PNPLA8: variants seen among roughly 807,000 people sequenced by gnomAD.
The protein encoded by PNPLA8 is calcium-independent phospholipase A2-gamma.
In PNPLA8, 39 loss-of-function variants were observed where a neutral mutation model predicts 76.9. The ratio of observed to expected loss-of-function variants is 0.51; its 90% CI spans 0.39 to 0.66. The LOEUF (loss-of-function observed/expected upper bound fraction) is 0.66, where lower values mean the gene tolerates loss of function less well. Ranked by LOEUF, PNPLA8 falls within the 30% of genes least tolerant of loss-of-function variation. The pLI is 0.00. For missense variants in PNPLA8, 887 were observed against 918.0 expected, an observed-to-expected ratio of 0.97 and a Z score of 0.44; for synonymous variants, 301 against 307.9, an observed-to-expected ratio of 0.98 and a Z score of 0.24.
Position 108,515,294 on chromosome 7 carries a change from A to G in PNPLA8, c.198T>C (p.Ser66=). 1 of 1,610,920 alleles carries G rather than the reference A, an allele frequency of 6.2e-7. No individual in the cohort carries two copies. The change falls in exon 3 of 11, where the codon TCT becomes TCC. Residue 66 remains serine (S), a synonymous_variant. Transcript: ENST00000257694. ...TTGGAGAGTAACAGTGCTTACTGCA[A>G]GAATGTGCTTCACTTTTGGTCCATT... ...RCKWTKSEAH[S]CSKHCYSPSN...
intron 9 of PNPLA8, among the ~76,000 whole-genome samples, chr7:108,482,808 T>G (rs1860490565): frequency 6.6e-6 from 1 of 152,234 alleles, no homozygotes; most frequent in Admixed American, 6.5e-5. Flanking sequence ...TGGTTTCCAA[T>G]TATTCTTTGC....
chr7:108,480,613 C>G (rs752212336), intron 9 of PNPLA8: 4 of 256,842 alleles, frequency 1.6e-5, no homozygotes, highest in Non-Finnish European at 3.3e-5. Context: ...TTGTAACAGA[C>G]CTTGGAATTA....
intron 4 of PNPLA8, among the ~76,000 whole-genome samples, chr7:108,507,137 G>A (rs1862498191): frequency 6.6e-6 from 1 of 151,986 alleles, no homozygotes; most frequent in African/African-American, 2.4e-5. Context: ...GAGGTCAGGA[G>A]ATCGAGACCA....
intron 1 of PNPLA8, among the ~76,000 whole-genome samples, chr7:108,522,894 T>G (rs1165146860): frequency 6.6e-6 from 1 of 152,128 alleles, no homozygotes; most frequent in Non-Finnish European, 1.5e-5. Flanking sequence ...TCTCAGAAAC[T>G]ACAACTATCA....
Position 108,525,865 on chromosome 7 carries a change from C to T in PNPLA8, c.-130+164G>A, listed in dbSNP as rs944623902. On this transcript the variant is annotated intron_variant, in intron 1 of 10. Transcript: ENST00000257694. ...ACCAATGAGCTCCAGGACCTGCGGG[C>T]TCCTTCCAGCGCCAGCTCCTCCCCA... 2.0e-5 allele frequency among the ~76,000 whole-genome samples: 3 copies of T among 152,330 alleles called. No homozygotes were observed. In the East Asian group the frequency reaches 5.8e-4, roughly 29 times the overall value.
chr7:108,486,174 G>T (rs955532900), intron 9 of PNPLA8, among the ~76,000 whole-genome samples: 4 of 152,028 alleles, frequency 2.6e-5, no homozygotes, highest in Admixed American at 2.6e-4. Flanking sequence ...AAGAGCAAAT[G>T]AAATAACTTC....
chr7:108,493,379 T>C lies in PNPLA8; in HGVS notation c.1626-1912A>G, dbSNP rs1004597268. On this transcript the variant is annotated intron_variant, in intron 7 of 10. Transcript: ENST00000257694. Reference sequence around the variant, plus strand: ...TTCATTAAATAATAAAAAGTATTGATTGTATGAATACTGGGAATAGATATG... The same window carrying C: ...TTCATTAAATAATAAAAAGTATTGACTGTATGAATACTGGGAATAGATATG... 2.0e-5 allele frequency among the ~76,000 whole-genome samples: 3 copies of C among 152,096 alleles called. No homozygotes were observed. In the East Asian group the frequency reaches 5.8e-4, roughly 29 times the overall value.
chr7:108,519,236 A>C (rs1286398979), intron 2 of PNPLA8, among the ~76,000 whole-genome samples: 1 of 152,124 alleles, frequency 6.6e-6, no homozygotes, highest in Non-Finnish European at 1.5e-5. Context: ...CTTAAAAAAA[A>C]ATAAATAAAA....
rs1862049629 is a variant in PNPLA8 at position 108,502,641 on chromosome 7, T to C, written c.1208A>G (p.Glu403Gly). The C allele has an allele frequency of 1.3e-6, 2 of 1,599,712 alleles. No homozygotes were observed. The highest frequency in any genetic ancestry group is 1.3e-5 in the African/African-American group (1 of 74,332). ...FPEGKGVAVK[E>G]RIIPYLLRLR... ...TCGTAATAAATATGGAATAATTCTT[T>C]CCTATATTGAGAGAAAAGATACTTT... is the stretch of plus-strand genomic sequence containing the variant. The change falls in exon 5 of 11, where the codon GAA becomes GGA. Residue 403 changes from glutamate (E) to glycine (G), a missense_variant and splice_region_variant. Coordinates refer to ENST00000257694, the MANE Select transcript of PNPLA8 (RefSeq NM_001256007.3).
intron 9 of PNPLA8, among the ~76,000 whole-genome samples, chr7:108,486,981 T>G (rs1192447940): frequency 6.6e-6 from 1 of 152,138 alleles, no homozygotes; most frequent in Non-Finnish European, 1.5e-5. Flanking sequence ...TATATAAAAA[T>G]GCAAGCTTTC....
At chr7:108,510,443 G>A in intron 4 of PNPLA8, 1 of 1,466,390 alleles carries the variant, frequency 6.8e-7, no homozygotes. Flanking sequence ...AATTCGAATG[G>A]CGAGGATGGC....
rs552495241 is a variant in PNPLA8, at chr7:108,489,005, C to A, written c.1684-1052G>T. On this transcript the variant is annotated intron_variant, in intron 8 of 10. Transcript: ENST00000257694. ...TAGGCCACTATGGATAGGCGTTGGC[C>A]ATATACTAAAATCCAGAGTCTTTCT... Among the ~76,000 whole-genome samples, 3 of 152,314 alleles carry A rather than the reference C, an allele frequency of 2.0e-5. No individual in the cohort carries two copies. In the South Asian group the frequency reaches 6.2e-4, roughly 32 times the overall value.
chr7:108,507,886 A>G (rs1045872213), intron 4 of PNPLA8, among the ~76,000 whole-genome samples: 8 of 148,086 alleles, frequency 5.4e-5, no homozygotes, highest in African/African-American at 2.0e-4. Flanking sequence ...AAATCAATAA[A>G]TGTAATCCAG....
rs138412792 is a variant in PNPLA8, at chr7:108,514,502, A to G, written c.990T>C (p.Thr330=). The change falls in exon 3 of 11, where the codon ACT becomes ACC. Residue 330 remains threonine (T), a synonymous_variant. Coordinates refer to ENST00000257694, the MANE Select transcript of PNPLA8 (RefSeq NM_001256007.3). ...TTCTGTCTTTGCTGACAGCCTGATC[A>G]GTTTTAGCAGGCTCTTCCTGTTCTT... The part of the protein sequence containing the change: ...QSEEQEEPAK[T]DQAVSKDRNA... 182 of 1,613,834 alleles carry G rather than the reference A, an allele frequency of 1.1e-4. No individual in the cohort carries two copies. In the African/African-American group the frequency reaches 2.2e-3, roughly 20 times the overall value.
rs781429581 is a variant in PNPLA8, at chr7:108,479,320, A to G, written c.1938T>C (p.Leu646=). Residue 646 remains leucine, a synonymous_variant, in exon 10 of 11, where the codon CTT becomes CTC. Coordinates refer to ENST00000257694, the MANE Select transcript of PNPLA8 (RefSeq NM_001256007.3). Reference sequence around the variant, plus strand: ...TGCACTCTAACGGCACATCTGGCCAAAGACATTTACACTCATGCATAGCTA... The same window carrying G: ...TGCACTCTAACGGCACATCTGGCCAGAGACATTTACACTCATGCATAGCTA... ...SALAMHECKC[L]WPDVPLECIV... The G allele has an allele frequency of 1.2e-6, 2 of 1,613,668 alleles. No homozygotes were observed. Among genetic ancestry groups the G allele is most frequent in the Admixed American group, 1.7e-5 (1 of 59,970 alleles).
chr7:108,510,462 C>T, intron 4 of PNPLA8: 1 of 1,434,494 alleles, frequency 7.0e-7, no homozygotes. Context: ...GCAAGAAAAG[C>T]TGGCAACTAC....
intron 10 of PNPLA8, among the ~76,000 whole-genome samples, chr7:108,475,013 T>G (rs903781207): frequency 1.3e-5 from 2 of 152,194 alleles, no homozygotes; most frequent in South Asian, 2.1e-4. Context: ...CTTGCATTAC[T>G]GCCTCAGCTC....
At chr7:108,524,292 C>A (rs1236281013) in intron 1 of PNPLA8, among the ~76,000 whole-genome samples, 1 of 152,110 alleles carries the variant, frequency 6.6e-6, no homozygotes. Context: ...TTCACATGCC[C>A]ACTGAAGTAT....
chr7:108,505,457 G>T (rs2154516142), intron 4 of PNPLA8, among the ~76,000 whole-genome samples: 1 of 140,720 alleles, frequency 7.1e-6, no homozygotes, highest in East Asian at 2.3e-4. Context: ...CCGCCTCCCA[G>T]GTTCAAGCCA....
Sources: allele counts gnomAD v4.1 joint callset (sites outside exome capture counted in the v4.1 genomes callset), GRCh38; gene constraint gnomAD v4.1.1; transcripts MANE v1.5; gene names NCBI Gene and HGNC (gene_info 2026-07-23, HGNC 2026-07-21).